The following ERC1 variants were observed in gnomAD, a reference collection of about 807,000 sequenced individuals.
ERC1 encodes the protein ELKS/RAB6-interacting/CAST family member 1.
ERC1 carries 56 observed loss-of-function variants against 132.0 expected under a neutral mutation model. The observed-to-expected ratio is 0.42, with a 90% CI of 0.34 to 0.53. ERC1 has a LOEUF of 0.53. Among genes scored for constraint, ERC1 ranks in the 20% least tolerant of loss-of-function variants. ERC1 has a pLI of 0.03. For synonymous variants in ERC1, 478 were observed against 476.1 expected, an observed-to-expected ratio of 1.00 and a Z score of -0.05; for missense variants, 1,202 against 1,349.9, an observed-to-expected ratio of 0.89 and a Z score of 1.72.
At chr12:998,339 A>G (rs906763338) in intron 1 of ERC1, 7 of 152,092 alleles carry the variant, frequency 4.6e-5, no homozygotes, top group Admixed American at 3.9e-4. Context: ...GTAGATCAGG[A>G]ATGTGGGTGC....
At chr12:1,125,105 C>CT (rs1948008771) in intron 7 of ERC1, among the ~76,000 whole-genome samples, 1 of 152,048 alleles carries the variant, frequency 6.6e-6, no homozygotes, top group South Asian at 2.1e-4. Context: ...TGTGATTCTC[C>CT]TGTCCCAGCC....
At chr12:1,305,178 GCGTCCA>G in intron 15 of ERC1, among the ~76,000 whole-genome samples, 1 of 152,298 alleles carries the variant, frequency 6.6e-6, no homozygotes, top group South Asian at 2.1e-4. Flanking sequence ...CTTCAGAGCA[GCGTCCA>G]GGTTCTCTCT....
chr12:1,116,568 ATTT>A (rs201063580), intron 7 of ERC1, among the ~76,000 whole-genome samples: 1 of 143,874 alleles, frequency 7.0e-6, no homozygotes. Flanking sequence ...TGTTTTTAGA[ATTT>A]TTTTTTTTTT....
intron 2 of ERC1, among the ~76,000 whole-genome samples, chr12:1,042,724 A>G (rs561212582): frequency 1.1e-4 from 17 of 152,128 alleles, no homozygotes; most frequent in Admixed American, 7.9e-4. Context: ...TCAAAGAAGC[A>G]TTTTTGGGAA....
intron 11 of ERC1, among the ~76,000 whole-genome samples, chr12:1,185,055 C>A (rs551207610): frequency 6.6e-6 from 1 of 152,162 alleles, no homozygotes; most frequent in Admixed American, 6.5e-5. Context: ...GGTTTATAGG[C>A]GCATGCCGCT....
intron 2 of ERC1, among the ~76,000 whole-genome samples, chr12:1,043,341 C>T (rs1256441792): frequency 6.6e-6 from 1 of 152,050 alleles, no homozygotes; most frequent in Non-Finnish European, 1.5e-5. Flanking sequence ...CTGCGCCCGG[C>T]CTGTACAGAG....
chr12:1,047,198 T>A lies in ERC1; in HGVS notation c.669+18626T>A, dbSNP rs117291322. ...TTTTGGTATAATTAGAATAATAAAT[T>A]ACACTATTAACTTGGTGGAGGGTAA... On this transcript the variant is annotated intron_variant, in intron 2 of 18. Transcript: ENST00000360905. Among the ~76,000 whole-genome samples the A allele has an allele frequency of 6.4e-4, 97 of 152,340 alleles. 1 individual carries two copies. In the East Asian group the frequency reaches 0.017, roughly 27 times the overall value.
At chr12:1,006,255 C>CCCTGGGTCA (rs1963567931) in intron 1 of ERC1, among the ~76,000 whole-genome samples, 1 of 152,058 alleles carries the variant, frequency 6.6e-6, no homozygotes. Context: ...CTGCACCTGG[C>CCCTGGGTCA]CAGTATTATT....
intron 8 of ERC1, among the ~76,000 whole-genome samples, chr12:1,178,151 A>G (rs778497875): frequency 3.9e-5 from 6 of 152,140 alleles, no homozygotes; most frequent in African/African-American, 7.2e-5. Context: ...TCTCTTTCTT[A>G]GCTTTTTTGT....
chr12:1,335,562 G>A (rs774702690), intron 15 of ERC1, among the ~76,000 whole-genome samples: 21 of 151,936 alleles, frequency 1.4e-4, no homozygotes, highest in Non-Finnish European at 2.9e-4. Flanking sequence ...ACCTTGCATC[G>A]TAGAGACAAA....
At chr12:1,475,889 G>A (rs2093960403) in intron 18 of ERC1, among the ~76,000 whole-genome samples, 1 of 151,968 alleles carries the variant, frequency 6.6e-6, no homozygotes, top group South Asian at 2.1e-4. Context: ...TCAACATTAT[G>A]GGAGGCTGAA....
chr12:1,425,366 C>T (rs1362580387), intron 17 of ERC1, among the ~76,000 whole-genome samples: 1 of 152,178 alleles, frequency 6.6e-6, no homozygotes, highest in East Asian at 1.9e-4. Context: ...GCTTTCTTCC[C>T]CTTCCCCACA....
At chr12:1,154,269 A>G (rs964518377) in intron 8 of ERC1, among the ~76,000 whole-genome samples, 9 of 149,750 alleles carry the variant, frequency 6.0e-5, no homozygotes, top group Admixed American at 5.3e-4. Context: ...GTGTATATAT[A>G]CACATATACA....
chr12:1,482,667 G>A (rs912073019), intron 18 of ERC1, among the ~76,000 whole-genome samples: 6 of 151,912 alleles, frequency 3.9e-5, no homozygotes, highest in African/African-American at 1.2e-4. Flanking sequence ...GGCTGGTCTC[G>A]AACTCCTGAT....
intron 11 of ERC1, among the ~76,000 whole-genome samples, chr12:1,186,749 T>TA (rs1955136820): frequency 6.6e-6 from 1 of 152,246 alleles, no homozygotes; most frequent in Non-Finnish European, 1.5e-5. Flanking sequence ...TTCATATTGA[T>TA]ACCATGATAA....
intron 16 of ERC1, among the ~76,000 whole-genome samples, chr12:1,388,135 G>A (rs970277925): frequency 1.3e-5 from 2 of 152,250 alleles, no homozygotes; most frequent in Admixed American, 1.3e-4. Context: ...GCCGAGGCGG[G>A]CGGATCAGGA....
At chr12:1,464,627 C>T (rs1238287309) in intron 18 of ERC1, among the ~76,000 whole-genome samples, 3 of 142,204 alleles carry the variant, frequency 2.1e-5, no homozygotes, top group African/African-American at 7.7e-5. Context: ...TCAAGCAATT[C>T]TCCTGCCCTC....
At chr12:1,158,613 T>C (rs980660605) in intron 8 of ERC1, among the ~76,000 whole-genome samples, 41 of 151,194 alleles carry the variant, frequency 2.7e-4, no homozygotes, top group African/African-American at 2.7e-4. Flanking sequence ...TTTTCTTTTT[T>C]TTTTTTTTTT....
At position 1,039,349 on chromosome 12, in the gene ERC1, A is replaced by AT. The variant is rs1158116347; in HGVS notation, c.669+10777_669+10778insT. Among the ~76,000 whole-genome samples the AT allele has an allele frequency of 7.2e-4, 107 of 148,368 alleles. 1 individual carries two copies. The Middle Eastern group carries it at 0.017, about 24-fold the overall frequency. ...CGAGACGTTGTCTCAAAAAAAAAAA[A>AT]AAATAAAAATAAATAAATAAATAAA... On this transcript the variant is annotated intron_variant, in intron 2 of 18. Coordinates refer to ENST00000360905, the MANE Select transcript of ERC1 (RefSeq NM_178040.4).
Sources: gnomAD v4.1 joint callset for allele counts (sites outside exome capture counted in the v4.1 genomes callset) on GRCh38, gnomAD v4.1.1 for gene constraint, MANE v1.5 for transcripts, NCBI Gene and HGNC (gene_info 2026-07-23, HGNC 2026-07-21) for gene names.